JPH3: variants seen among roughly 807,000 people sequenced by gnomAD.
The protein encoded by JPH3 is junctophilin 3.
JPH3 carries 11 observed loss-of-function variants against 59.6 expected under a neutral mutation model. The ratio of observed to expected loss-of-function variants is 0.18; its 90% CI spans 0.12 to 0.31. JPH3 has a LOEUF of 0.31. Ranked by LOEUF, JPH3 falls within the 10% of genes least tolerant of loss-of-function variation. The pLI is 1.00. For missense variants in JPH3, 1,202 were observed against 1,105.7 expected (o/e 1.09, Z -1.24); for synonymous variants, 673 against 483.6 (o/e 1.39, Z -5.14).
At chr16:87,686,716 C>G (rs913190633) in intron 3 of JPH3, among the ~76,000 whole-genome samples, 1 of 151,704 alleles carries the variant, frequency 6.6e-6, no homozygotes. Context: ...GTCCTGGATT[C>G]AGAGGAGATG....
At chr16:87,608,962 C>G (rs370539726) in intron 1 of JPH3, among the ~76,000 whole-genome samples, 11 of 152,216 alleles carry the variant, frequency 7.2e-5, no homozygotes, top group Non-Finnish European at 5.9e-5. Flanking sequence ...GCTTGAGCCC[C>G]GGAGGTCAAG....
rs114004065 is a variant in JPH3 at position 87,652,753 on chromosome 16, C to G, written c.1160+7718C>G. On this transcript the variant is annotated intron_variant, in intron 2 of 4. Coordinates refer to ENST00000284262, the MANE Select transcript of JPH3 (RefSeq NM_020655.4). The stretch of plus-strand genomic sequence containing the variant: ...AGGCCCTTGGATCTCTGGCAGTCAG[C>G]AGGACTGTGGTGGCAGCCGGTGTGC... Among the ~76,000 whole-genome samples, 1,157 of 152,354 alleles carry G rather than the reference C, an allele frequency of 7.6e-3. 17 individuals are homozygous for G. Among genetic ancestry groups the G allele is most frequent in the African/African-American group, 0.025 (1,041 of 41,586 alleles).
At chr16:87,624,810 A>AT (rs755740311) in intron 1 of JPH3, among the ~76,000 whole-genome samples, 65 of 151,952 alleles carry the variant, frequency 4.3e-4, no homozygotes, top group African/African-American at 1.5e-3. Context: ...ATTTCATTTT[A>AT]TTTTTTGAGA....
intron 1 of JPH3, among the ~76,000 whole-genome samples, chr16:87,633,481 C>CAAA (rs201116071): frequency 0.023 from 3,397 of 145,806 alleles, 124 homozygotes; most frequent in African/African-American, 0.086. Context: ...CTAAGATTAA[C>CAAA]CAAAAAAAAA....
At chr16:87,648,210 C>G (rs1362442300) in intron 2 of JPH3, among the ~76,000 whole-genome samples, 1 of 151,926 alleles carries the variant, frequency 6.6e-6, no homozygotes, top group Non-Finnish European at 1.5e-5. Context: ...GGGCCTGGAG[C>G]TGTGCTTTCT....
chr16:87,605,215 A>G (rs1168823803), intron 1 of JPH3, among the ~76,000 whole-genome samples: 1 of 152,200 alleles, frequency 6.6e-6, no homozygotes, highest in Non-Finnish European at 1.5e-5. Context: ...TGGGGACGAG[A>G]GGAGCCAGGG....
chr16:87,657,684 C>T (rs1206269568), intron 2 of JPH3, among the ~76,000 whole-genome samples: 2 of 152,182 alleles, frequency 1.3e-5, no homozygotes, highest in African/African-American at 4.8e-5. Flanking sequence ...TGTCTTGAGC[C>T]AGTCCATCTC....
In JPH3 at chr16:87,690,496, G is replaced by C. The variant is rs914393237; in HGVS notation, c.2136G>C (p.Glu712Asp). The change falls in exon 4 of 5, where the codon GAG (glutamate) becomes GAC (aspartate). Residue 712 changes from glutamate (E) to aspartate (D), a missense_variant. Coordinates refer to ENST00000284262, the MANE Select transcript of JPH3 (RefSeq NM_020655.4). Reference protein sequence around the residue: ...KSLPVALESDEENGDELKSST... With the variant: ...KSLPVALESDDENGDELKSST... ...TGCCTGTCGCTCTAGAGTCCGACGAGGAGAATGGGGATGAGCTCAAGTCCA... is the reference window on the plus strand; with the variant it reads ...TGCCTGTCGCTCTAGAGTCCGACGACGAGAATGGGGATGAGCTCAAGTCCA... The C allele has an allele frequency of 6.1e-6, 9 of 1,484,512 alleles. No homozygotes were observed. The highest frequency in any genetic ancestry group is 2.4e-5 in the East Asian group (1 of 42,004). The allele number at this position is 1,484,512 out of a possible 1,614,324, so 92.0% of individuals were successfully genotyped here.
chr16:87,675,100 A>G (rs2033110579), intron 2 of JPH3, among the ~76,000 whole-genome samples: 1 of 152,028 alleles, frequency 6.6e-6, no homozygotes, highest in African/African-American at 2.4e-5. Flanking sequence ...TCCAGCCACA[A>G]TCCCTGAGAA....
intron 1 of JPH3, chr16:87,604,426 G>A: frequency 2.9e-6 from 4 of 1,393,420 alleles, no homozygotes; most frequent in Non-Finnish European, 3.8e-6. Context: ...TGACACGCAT[G>A]GAGCCGGTCC....
intron 4 of JPH3, chr16:87,696,075 T>C (rs2033834345): frequency 8.8e-6 from 4 of 456,698 alleles, no homozygotes; most frequent in Non-Finnish European, 1.8e-5. Flanking sequence ...GGGGGTTTTG[T>C]TGAGGACACT....
intron 4 of JPH3, chr16:87,695,408 CTG>C (rs765899096): frequency 2.2e-6 from 1 of 456,140 alleles, no homozygotes; most frequent in South Asian, 1.5e-5. Flanking sequence ...CCTGGTCCAT[CTG>C]TGTCGCACAG....
intron 2 of JPH3, among the ~76,000 whole-genome samples, chr16:87,651,386 C>G (rs2032320294): frequency 6.6e-6 from 1 of 152,188 alleles, no homozygotes; most frequent in Non-Finnish European, 1.5e-5. Context: ...TTAAGAAATA[C>G]ATTTAGTAAG....
chr16:87,658,400 C>A (rs1337912113), intron 2 of JPH3, among the ~76,000 whole-genome samples: 1 of 144,844 alleles, frequency 6.9e-6, no homozygotes, highest in African/African-American at 2.6e-5. Flanking sequence ...CTTTTCCTCC[C>A]TCTCTGTCCC....
At chr16:87,666,343 C>T (rs1325302386) in intron 2 of JPH3, among the ~76,000 whole-genome samples, 1 of 151,514 alleles carries the variant, frequency 6.6e-6, no homozygotes, top group Non-Finnish European at 1.5e-5. Context: ...CTCCCCTCGA[C>T]CTCTCAAAGT....
chr16:87,628,009 G>A (rs72810124), intron 1 of JPH3, among the ~76,000 whole-genome samples: 23,437 of 152,250 alleles, frequency 0.15, 2,235 homozygotes, highest in Non-Finnish European at 0.22. Context: ...AGGGGATCAT[G>A]GGTCTGGCAG....
chr16:87,697,509 T>TGC lies in JPH3; in HGVS notation c.*852_*853dup, dbSNP rs2033936322. ...GGCTCGCGCCGGGGCTCTGGGTGTG[T>TGC]GCGCTTGGCGTGCAGGGTGGACGCG... On this transcript the variant is annotated 3_prime_UTR_variant, in exon 5 of 5. Coordinates refer to ENST00000284262, the MANE Select transcript of JPH3 (RefSeq NM_020655.4). The TGC allele has an allele frequency of 6.6e-6, 1 of 152,314 alleles. No individual in the cohort carries two copies. The highest frequency in any genetic ancestry group is 2.4e-5 in the African/African-American group (1 of 41,402). 9.4% of individuals were successfully genotyped at this position (152,314 alleles called of 1,614,324 possible).
intron 4 of JPH3, chr16:87,696,223 T>C (rs946271802): frequency 1.1e-5 from 5 of 442,174 alleles, no homozygotes; most frequent in African/African-American, 1.0e-4. Flanking sequence ...GCCTGCTGAC[T>C]GGCACAAAGG....
chr16:87,631,107 G>T (rs1304523510), intron 1 of JPH3, among the ~76,000 whole-genome samples: 1 of 152,064 alleles, frequency 6.6e-6, no homozygotes. Context: ...GCTTGCACTT[G>T]AGCAAACCTG....
Sources: gnomAD v4.1 joint callset for allele counts (sites outside exome capture counted in the v4.1 genomes callset) on GRCh38, gnomAD v4.1.1 for gene constraint, MANE v1.5 for transcripts, NCBI Gene and HGNC (gene_info 2026-07-23, HGNC 2026-07-21) for gene names.